Variants in DDB1 observed in about 807,000 individuals in gnomAD.
DDB1 encodes the protein damage specific DNA binding protein 1, also known as DNA damage-binding protein 1.
Under a neutral mutation model 133.1 loss-of-function variants are expected in DDB1, and 18 were observed. The ratio of observed to expected loss-of-function variants is 0.14; its 90% CI spans 0.09 to 0.20. The LOEUF (loss-of-function observed/expected upper bound fraction) is 0.20. Among genes scored for constraint, DDB1 ranks in the 10% least tolerant of loss-of-function variants. DDB1 has a pLI of 1.00. For missense variants in DDB1, 828 were observed against 1,459.2 expected, an observed-to-expected ratio of 0.57 and a Z score of 7.05; for synonymous variants, 580 against 550.5, an observed-to-expected ratio of 1.05 and a Z score of -0.75.
At chr11:61,331,760 T>C (rs1856378688) in intron 1 of DDB1, 69 bp from the exon 2 acceptor site, 3 of 1,589,478 alleles carry the variant, frequency 1.9e-6, no homozygotes, top group Middle Eastern at 1.7e-4. Context: ...AATAATCCTA[T>C]CACTTATGTC....
rs1464891003 is a variant in DDB1, at chr11:61,303,020, CACTCCCAGAGCTGGCCACT to C, written c.2942+7_2942+25del. 4.4e-6 allele frequency: 7 copies of C among 1,599,626 alleles called. No individual in the cohort carries two copies. The highest frequency in any genetic ancestry group is 1.7e-4 in the Middle Eastern group (1 of 6,040). ...CCAAGGAACTCCCAGCCCTCCCCAC[CACTCCCAGAGCTGGCCACT>C]ACTCACCTATCCTTTTGACACACAA... On this transcript the variant is annotated splice_region_variant and intron_variant, in intron 23 of 26. Coordinates refer to ENST00000301764, the MANE Select transcript of DDB1 (RefSeq NM_001923.5).
intron 21 of DDB1, among the ~76,000 whole-genome samples, chr11:61,306,858 C>T (rs569785397): frequency 3.9e-5 from 6 of 152,300 alleles, no homozygotes; most frequent in African/African-American, 1.2e-4. Context: ...ACATTCAAGA[C>T]GACTAACTGA....
Position 61,311,900 on chromosome 11 carries a change from AG to A in DDB1, c.2166-6del. On this transcript the variant is annotated splice_region_variant and splice_polypyrimidine_tract_variant and intron_variant, in intron 17 of 26. Coordinates refer to ENST00000301764, the MANE Select transcript of DDB1 (RefSeq NM_001923.5). ...ACTTCCTGGTAGCAGATCTTCCTGC[AG>A]AACAAGTACAGAACAACAGTGTCAC... 6.2e-7 allele frequency: 1 copy of A among 1,614,252 alleles called. No homozygotes were observed. The highest frequency in any genetic ancestry group is 8.5e-7 in the Non-Finnish European group (1 of 1,180,036).
chr11:61,322,299 C>T lies in DDB1; in HGVS notation c.1119G>A (p.Gly373=), dbSNP rs28720291. The T allele has an allele frequency of 8.3e-3, 13,363 of 1,613,476 alleles. 89 individuals carry two copies. Among genetic ancestry groups the T allele is most frequent in the Non-Finnish European group, 0.01 (12,079 of 1,179,412 alleles). ...CCACTTTCAGAATGGCCCTTACCTG[C>T]CCCTGCCCCTGCCTCTCCAGGTCCA... ...CVVDLERQGQ[G]QLVTCSGAFK... is the part of the protein sequence containing the mutation. The change falls in exon 9 of 27, where the codon GGG becomes GGA. Residue 373 remains glycine (G), a synonymous_variant. Transcript: ENST00000301764.
Position 61,302,319 on chromosome 11 carries a change from CAGG to C in DDB1, c.3150_3152del (p.Leu1052del). ...TATTGAGTCGATTCTGCATGTCCAG[CAGG>C]AGGTTGTACCAGCTCTCTGACAGTG... On this transcript the variant is annotated inframe_deletion, in exon 25 of 27. Coordinates refer to ENST00000301764, the MANE Select transcript of DDB1 (RefSeq NM_001923.5). The C allele has an allele frequency of 6.2e-7, 1 of 1,614,204 alleles. No individual in the cohort carries two copies. Among genetic ancestry groups the C allele is most frequent in the Non-Finnish European group, 8.5e-7 (1 of 1,180,026 alleles).
chr11:61,316,942 G>GATATATAT lies in DDB1; in HGVS notation c.1226-376_1226-375insATATATAT, dbSNP rs1856081507. ...CTCAAAAAAAAAAAAAAAAAAAAAG[G>GATATATAT]ATAGATATATATATATATATATATA... is the stretch of plus-strand genomic sequence containing the variant. On this transcript the variant is annotated intron_variant, in intron 10 of 26. Transcript: ENST00000301764. Among the ~76,000 whole-genome samples, 6 of 27,066 alleles carry GATATATAT rather than the reference G, an allele frequency of 2.2e-4. 2 individuals are homozygous for GATATATAT. Among genetic ancestry groups the GATATATAT allele is most frequent in the Non-Finnish European group, 4.9e-4 (6 of 12,284 alleles). The allele number at this position is 27,066 out of a possible 152,430, so 17.8% of individuals were successfully genotyped here. A position where few individuals can be genotyped will look rare whatever the true frequency, so the allele number is the denominator to read the frequency against.
Position 61,332,858 on chromosome 11 carries a change from C to A in DDB1, c.61+50G>T. 3 of 1,392,226 alleles carry A rather than the reference C, an allele frequency of 2.2e-6. No individual in the cohort carries two copies. The South Asian group carries it at 4.6e-5, about 21-fold the overall frequency. 86.2% of individuals were successfully genotyped at this position (1,392,226 alleles called of 1,614,324 possible). A position where few individuals can be genotyped will look rare whatever the true frequency, so the allele number is the denominator to read the frequency against. ...GGCGGCGGGCCTCCCTAGGCCGCGG[C>A]TCCCCCCAACTCCCTCACTCGCCGG... On this transcript the variant is annotated intron_variant, in intron 1 of 26. Coordinates refer to ENST00000301764, the MANE Select transcript of DDB1 (RefSeq NM_001923.5).
chr11:61,322,693 T>A, intron 8 of DDB1: 1 of 540,560 alleles, frequency 1.8e-6, no homozygotes, highest in South Asian at 2.6e-5. Context: ...GCATGCATTT[T>A]TCTGCAGAGA....
chr11:61,322,521 G>A, intron 8 of DDB1, 109 bp from the exon 9 acceptor site: 2 of 819,394 alleles, frequency 2.4e-6, no homozygotes, highest in Non-Finnish European at 2.1e-6. Context: ...TTCTAGATCT[G>A]CCATTCTCAT....
chr11:61,324,871 G>C (rs1291739438), intron 6 of DDB1, among the ~76,000 whole-genome samples: 1 of 152,178 alleles, frequency 6.6e-6, no homozygotes, highest in Non-Finnish European at 1.5e-5. Flanking sequence ...AATTACGGCT[G>C]GGCACAGTGG....
intron 18 of DDB1, 150 bp downstream of exon 18, chr11:61,311,634 G>C: frequency 1.6e-6 from 1 of 642,334 alleles, no homozygotes. Context: ...GTTGCCTACA[G>C]CTGCTTTCAG....
Position 61,302,727 on chromosome 11 carries a change from C to A in DDB1, c.2967G>T (p.Arg989=). The A allele has an allele frequency of 6.2e-7, 1 of 1,614,244 alleles. No individual in the cohort carries two copies. The highest frequency in any genetic ancestry group is 1.1e-5 in the South Asian group (1 of 91,084). ...KDSAATTDEE[R]QHLQEVGLFH... Reference sequence around the variant, plus strand: ...AAAGACCAACCTCCTGGAGGTGCTGCCGCTCCTCGTCAGTGGTGGCAGCGC... The same window carrying A: ...AAAGACCAACCTCCTGGAGGTGCTGACGCTCCTCGTCAGTGGTGGCAGCGC... Residue 989 remains arginine, a synonymous_variant, in exon 24 of 27, where the codon CGG becomes CGT. Transcript: ENST00000301764.
At chr11:61,310,604 A>G in intron 18 of DDB1, 186 bp from the exon 19 acceptor site, 1 of 561,916 alleles carries the variant, frequency 1.8e-6, no homozygotes, top group East Asian at 3.2e-5. Flanking sequence ...ATCAATCCCA[A>G]ACAGTAAAAA....
intron 2 of DDB1, 32 bp from the exon 3 acceptor site, chr11:61,330,106 T>A (rs765725623): frequency 6.4e-7 from 1 of 1,569,140 alleles, no homozygotes; most frequent in East Asian, 2.3e-5. Context: ...TCAAAAGAGG[T>A]TCTTTTTAAA....
In DDB1 at chr11:61,299,783, A is replaced by C. The variant is rs763102052; in HGVS notation, c.*353T>G. The C allele has an allele frequency of 3.6e-5, 11 of 307,498 alleles. No homozygotes were observed. The highest frequency in any genetic ancestry group is 6.9e-5 in the Non-Finnish European group (11 of 158,378). 19.0% of individuals were successfully genotyped at this position (307,498 alleles called of 1,614,324 possible). On this transcript the variant is annotated 3_prime_UTR_variant, in exon 27 of 27. Transcript: ENST00000301764. ...CAATGCATGAGTGTGAGATACACAT[A>C]CACACACACACATACACACACACAC...
chr11:61,331,406 C>T, intron 2 of DDB1, 137 bp downstream of exon 2: 1 of 1,195,274 alleles, frequency 8.4e-7, no homozygotes, highest in Non-Finnish European at 1.2e-6. Context: ...ATTGCTTGAG[C>T]TCAGGAGTTC....
intron 4 of DDB1, 186 bp downstream of exon 4, chr11:61,329,177 T>G: frequency 1.7e-6 from 1 of 571,828 alleles, no homozygotes; most frequent in East Asian, 3.1e-5. Context: ...GCCTCCACAA[T>G]AAGTACTACT....
At chr11:61,302,069 C>T (rs1443824384) in intron 25 of DDB1, 188 bp downstream of exon 25, 1 of 545,352 alleles carries the variant, frequency 1.8e-6, no homozygotes, top group Non-Finnish European at 3.3e-6. Flanking sequence ...CTTTGGGAGT[C>T]AATATACTGT....
In DDB1 at chr11:61,323,969, C is replaced by T. The variant is rs751834138; in HGVS notation, c.921+10G>A. On this transcript the variant is annotated intron_variant, in intron 7 of 26. Coordinates refer to ENST00000301764, the MANE Select transcript of DDB1 (RefSeq NM_001923.5). ...GAACATTGTAGAGGAACAGGGAGAA[C>T]AAGCTCTACCTCTCCAAGGAGTTCT... 2 of 1,613,068 alleles carry T rather than the reference C, an allele frequency of 1.2e-6. No homozygotes were observed. The highest frequency in any genetic ancestry group is 2.7e-5 in the African/African-American group (2 of 74,538).
Sources: gnomAD v4.1 joint callset for allele counts (sites outside exome capture counted in the v4.1 genomes callset) on GRCh38, gnomAD v4.1.1 for gene constraint, MANE v1.5 for transcripts, NCBI Gene and HGNC (gene_info 2026-07-23, HGNC 2026-07-21) for gene names.